Variants in ZNF438 observed in about 807,000 individuals in gnomAD.
The protein encoded by ZNF438 is zinc finger protein 438.
Under a neutral mutation model 38.0 loss-of-function variants are expected in ZNF438, and 25 were observed. The observed-to-expected ratio is 0.66, with a 90% CI of 0.48 to 0.92. The LOEUF is 0.92. Among genes scored for constraint, ZNF438 ranks in the 40% least tolerant of loss-of-function variants. The pLI, the probability that ZNF438 is intolerant of heterozygous loss-of-function variation, is 0.00. For synonymous variants in ZNF438, 372 were observed against 364.1 expected, an observed-to-expected ratio of 1.02 and a Z score of -0.25; for missense variants, 1,007 against 999.6, an observed-to-expected ratio of 1.01 and a Z score of -0.10.
intron 1 of ZNF438, among the ~76,000 whole-genome samples, chr10:31,030,527 A>G (rs905172420): frequency 1.1e-4 from 16 of 152,232 alleles, no homozygotes; most frequent in African/African-American, 3.6e-4. Flanking sequence ...ACAAACAGAT[A>G]AACCATCGGC....
chr10:30,852,983 A>G (rs1340930558), intron 4 of ZNF438, among the ~76,000 whole-genome samples: 3 of 151,606 alleles, frequency 2.0e-5, no homozygotes, highest in Non-Finnish European at 4.4e-5. Flanking sequence ...TTTTTTTGGA[A>G]GAAGTACCAA....
rs112428700 is a variant in ZNF438 at position 30,947,847 on chromosome 10, G to A, written c.-191-6196C>T. Reference sequence around the variant, plus strand: ...GAAAGGGAACTCCCTGACCCCTTGCGCTTCCCAAGTGAGGCAATGCCTCGC... The same window carrying A: ...GAAAGGGAACTCCCTGACCCCTTGCACTTCCCAAGTGAGGCAATGCCTCGC... On this transcript the variant is annotated intron_variant, in intron 1 of 5. Transcript: ENST00000413025. 7.2e-3 allele frequency among the ~76,000 whole-genome samples: 1,097 copies of A among 152,278 alleles called. 13 individuals are homozygous for A. The highest frequency in any genetic ancestry group is 0.024 in the African/African-American group (1,015 of 41,566).
chr10:30,983,397 G>C (rs1165840702), intron 1 of ZNF438, among the ~76,000 whole-genome samples: 1 of 152,186 alleles, frequency 6.6e-6, no homozygotes, highest in Admixed American at 6.5e-5. Flanking sequence ...AGGGGAAGCA[G>C]GTACATCTTA....
chr10:30,894,702 T>C (rs989950386), intron 3 of ZNF438, among the ~76,000 whole-genome samples: 5 of 152,132 alleles, frequency 3.3e-5, no homozygotes, highest in African/African-American at 7.2e-5. Context: ...AACATTATTA[T>C]ACAAGGAGAA....
At chr10:30,847,362 CCT>C (rs1336445220) in intron 5 of ZNF438, among the ~76,000 whole-genome samples, 1 of 152,144 alleles carries the variant, frequency 6.6e-6, no homozygotes, top group Non-Finnish European at 1.5e-5. Context: ...GAGGAGCTAC[CCT>C]CTCTGCTGAG....
chr10:30,915,590 A>G (rs1176999487), intron 2 of ZNF438, among the ~76,000 whole-genome samples: 1 of 151,828 alleles, frequency 6.6e-6, no homozygotes, highest in Non-Finnish European at 1.5e-5. Flanking sequence ...TTTTCTCGGC[A>G]AGTTAATTTA....
At chr10:30,896,059 T>C (rs2041288847) in intron 3 of ZNF438, among the ~76,000 whole-genome samples, 1 of 152,114 alleles carries the variant, frequency 6.6e-6, no homozygotes, top group Non-Finnish European at 1.5e-5. Context: ...CCCAGTACTT[T>C]GGGAGGCCGA....
At chr10:30,984,200 G>C (rs952676389) in intron 1 of ZNF438, among the ~76,000 whole-genome samples, 169 bp downstream of exon 2, 7 of 152,146 alleles carry the variant, frequency 4.6e-5, no homozygotes, top group Non-Finnish European at 8.8e-5. Context: ...TTAGGGAAAT[G>C]TTACATGAAG....
chr10:30,889,930 T>G (rs1182469770), intron 3 of ZNF438, among the ~76,000 whole-genome samples: 1 of 152,106 alleles, frequency 6.6e-6, no homozygotes, highest in African/African-American at 2.4e-5. Flanking sequence ...ATAAAATACT[T>G]AACTCTTTTT....
intron 1 of ZNF438, among the ~76,000 whole-genome samples, chr10:30,973,112 G>A (rs2050929206): frequency 6.6e-6 from 1 of 152,082 alleles, no homozygotes; most frequent in South Asian, 2.1e-4. Flanking sequence ...AGTAGTTAAC[G>A]CTGTAGTTCT....
chr10:30,966,753 A>G lies in ZNF438; in HGVS notation c.-191-25102T>C, dbSNP rs542539116. 1.7e-4 allele frequency among the ~76,000 whole-genome samples: 26 copies of G among 152,202 alleles called. 1 individual carries two copies. The South Asian group carries it at 5.0e-3, about 29-fold the overall frequency. ...CTGGGGAACTAAAGGTAAATGATTA[A>G]TATCAGCAATTCATGTTGGCTCTTT... On this transcript the variant is annotated intron_variant, in intron 1 of 5. Transcript: ENST00000413025.
intron 4 of ZNF438, among the ~76,000 whole-genome samples, chr10:30,856,282 T>C (rs1348479806): frequency 6.6e-6 from 1 of 152,100 alleles, no homozygotes; most frequent in Non-Finnish European, 1.5e-5. Context: ...ACAAGTGGAG[T>C]TGTACAAATT....
chr10:31,018,499 A>G (rs779528792), intron 1 of ZNF438, among the ~76,000 whole-genome samples: 222 of 152,316 alleles, frequency 1.5e-3, no homozygotes, highest in Middle Eastern at 0.01. Flanking sequence ...TTGCCACCAC[A>G]TAATAAGGGT....
chr10:30,867,932 TCTTA>T (rs2036731567), intron 4 of ZNF438, among the ~76,000 whole-genome samples: 1 of 152,218 alleles, frequency 6.6e-6, no homozygotes, highest in Non-Finnish European at 1.5e-5. Flanking sequence ...CAAAAACTTA[TCTTA>T]CTTAAATTTA....
chr10:30,986,092 A>G (rs1463020332), intron 1 of ZNF438, among the ~76,000 whole-genome samples: 1 of 152,228 alleles, frequency 6.6e-6, no homozygotes, highest in Non-Finnish European at 1.5e-5. Flanking sequence ...TATACCAAAT[A>G]GCCTACGTGT....
At chr10:31,019,748 C>T (rs192345655) in intron 1 of ZNF438, among the ~76,000 whole-genome samples, 15 of 152,152 alleles carry the variant, frequency 9.9e-5, no homozygotes, top group Admixed American at 8.5e-4. Context: ...TTTGTAGAAG[C>T]GTGTCCTGCA....
At chr10:30,937,385 TAAC>T (rs1416334783) in intron 2 of ZNF438, among the ~76,000 whole-genome samples, 1 of 152,230 alleles carries the variant, frequency 6.6e-6, no homozygotes. Flanking sequence ...TGTGTGCTAA[TAAC>T]TACTTTATAC....
intron 1 of ZNF438, among the ~76,000 whole-genome samples, chr10:31,017,202 G>A (rs142423363): frequency 2.0e-5 from 3 of 152,324 alleles, no homozygotes; most frequent in African/African-American, 7.2e-5. Context: ...AAGTATCTCT[G>A]CTCTAGCAAG....
intron 1 of ZNF438, among the ~76,000 whole-genome samples, chr10:31,003,060 C>T (rs1425239670): frequency 6.6e-6 from 1 of 152,068 alleles, no homozygotes; most frequent in Non-Finnish European, 1.5e-5. Flanking sequence ...TACAGGTGAA[C>T]ACGTCTGACT....
Sources: allele counts gnomAD v4.1 joint callset (sites outside exome capture counted in the v4.1 genomes callset), GRCh38; gene constraint gnomAD v4.1.1; transcripts MANE v1.5; gene names NCBI Gene and HGNC (gene_info 2026-07-23, HGNC 2026-07-21).